TLE2: variants seen among roughly 807,000 people sequenced by gnomAD.
The protein encoded by TLE2 is TLE family member 2, transcriptional corepressor.
In TLE2, 74 loss-of-function variants were observed where a neutral mutation model predicts 97.2. That is an observed-to-expected ratio of 0.76 (90% confidence interval 0.63 to 0.92). The LOEUF is 0.92. TLE2 is among the 40% of genes least tolerant of loss of function. TLE2 has a pLI of 0.00. For missense variants in TLE2, 1,038 were observed against 1,008.7 expected, an observed-to-expected ratio of 1.03 and a Z score of -0.39; for synonymous variants, 499 against 432.1, an observed-to-expected ratio of 1.15 and a Z score of -1.92.
intron 1 of TLE2, among the ~76,000 whole-genome samples, chr19:3,037,060 G>A (rs898981353): frequency 1.3e-5 from 2 of 152,186 alleles, no homozygotes; most frequent in Non-Finnish European, 1.5e-5. Flanking sequence ...CGAGGCAGGC[G>A]GATCACCTGA....
intron 1 of TLE2, among the ~76,000 whole-genome samples, chr19:3,035,691 T>A (rs996159945): frequency 2.0e-5 from 3 of 152,082 alleles, no homozygotes; most frequent in Non-Finnish European, 2.9e-5. Context: ...CGCTCCCACA[T>A]GGGTCAGTGA....
In TLE2 at chr19:3,009,617, G is replaced by A. The variant is rs754241907; in HGVS notation, c.1098C>T (p.Ser366=). 4.3e-5 allele frequency: 70 copies of A among 1,613,188 alleles called. No homozygotes were observed. The highest frequency in any genetic ancestry group is 3.3e-4 in the Middle Eastern group (2 of 6,076). Residue 366 remains serine, a synonymous_variant, in exon 13 of 20, where the codon TCC becomes TCT. Transcript: ENST00000262953. ...GGAGGCTGACGTAGGAGCTGGGCACGGAGAGGTCTCCGTTGAGAGTGCTGT... is the reference window on the plus strand; with the variant it reads ...GGAGGCTGACGTAGGAGCTGGGCACAGAGAGGTCTCCGTTGAGAGTGCTGT... ...GSHSTLNGDL[S]VPSSYVSLHL...
At chr19:3,017,290 G>A (rs1210681216) in intron 8 of TLE2, among the ~76,000 whole-genome samples, 2 of 150,764 alleles carry the variant, frequency 1.3e-5, no homozygotes, top group African/African-American at 2.4e-5. Context: ...GGCACCCGCC[G>A]CCACGTTTGG....
At chr19:3,003,001 G>A (rs893334534) in intron 17 of TLE2, among the ~76,000 whole-genome samples, 2 of 152,032 alleles carry the variant, frequency 1.3e-5, no homozygotes, top group Admixed American at 6.6e-5. Context: ...GTCAGCCTAC[G>A]AGCCCCTTTG....
intron 17 of TLE2, among the ~76,000 whole-genome samples, chr19:3,002,715 T>C (rs2089391200): frequency 6.6e-6 from 1 of 151,826 alleles, no homozygotes; most frequent in East Asian, 1.9e-4. Context: ...TTTTTTTTTT[T>C]TGAGACAGAG....
upstream of TLE2, chr19:3,045,832 A>G (rs914021969): frequency 7.9e-6 from 3 of 379,304 alleles, no homozygotes; most frequent in African/African-American, 6.3e-5. Flanking sequence ...TGTCTCAAAA[A>G]ACAACCAATC....
At chr19:2,999,809 G>A (rs1404766146) in intron 19 of TLE2, among the ~76,000 whole-genome samples, 1 of 150,566 alleles carries the variant, frequency 6.6e-6, no homozygotes, top group Non-Finnish European at 1.5e-5. Flanking sequence ...AAGGTAGGCA[G>A]ATCACCTGAG....
chr19:3,013,584 C>T, intron 11 of TLE2, 85 bp downstream of exon 11: 1 of 1,230,886 alleles, frequency 8.1e-7, no homozygotes, highest in East Asian at 3.0e-5. Context: ...TTTCTCATCA[C>T]TGCCCTCTGC....
chr19:3,042,074 G>A (rs1244860428), intron 1 of TLE2, among the ~76,000 whole-genome samples: 1 of 151,696 alleles, frequency 6.6e-6, no homozygotes, highest in Admixed American at 6.6e-5. Flanking sequence ...GGGGAGTGAG[G>A]GGATTGCGGG....
At position 3,028,768 on chromosome 19, in the gene TLE2, C is replaced by T. The variant is rs200568114; in HGVS notation, c.60G>A (p.Ser20=). ...PLQSGQPFKF[S]ILEICDRIKE... is the part of the protein sequence containing the mutation. Reference sequence around the variant, plus strand: ...TGATGCGGTCGCAGATCTCCAAGATCGAGAACTTGAAGGGCTGGCCGGACT... The same window carrying T: ...TGATGCGGTCGCAGATCTCCAAGATTGAGAACTTGAAGGGCTGGCCGGACT... The change falls in exon 2 of 20, where the codon TCG becomes TCA. Residue 20 remains serine (S), a synonymous_variant. Coordinates refer to ENST00000262953, the MANE Select transcript of TLE2 (RefSeq NM_003260.5). 1.8e-4 allele frequency: 294 copies of T among 1,612,872 alleles called. 1 individual carries two copies. In the African/African-American group the frequency reaches 3.2e-3, roughly 18 times the overall value.
At chr19:3,012,898 TG>T (rs1266307401) in intron 11 of TLE2, among the ~76,000 whole-genome samples, 2 of 152,070 alleles carry the variant, frequency 1.3e-5, no homozygotes, top group Non-Finnish European at 2.9e-5. Context: ...GGGACGACTG[TG>T]GGGTCAGGGA....
At chr19:3,032,455 C>T (rs2090032768), upstream of TLE2, among the ~76,000 whole-genome samples, 3 of 152,178 alleles carry the variant, frequency 2.0e-5, no homozygotes, top group Non-Finnish European at 4.4e-5. The surrounding 1 kb of genome is among the most constrained non-coding windows in gnomAD (Gnocchi z 4.1). Context: ...CCAGGCTGGT[C>T]GCAAACTCCT....
At chr19:3,035,378 C>A (rs902465066) in intron 1 of TLE2, among the ~76,000 whole-genome samples, 1 of 152,126 alleles carries the variant, frequency 6.6e-6, no homozygotes, top group African/African-American at 2.4e-5. Flanking sequence ...ACTTCACGGA[C>A]CCCCTCTTTG....
At chr19:3,042,297 GC>G (rs1399730450) in intron 1 of TLE2, among the ~76,000 whole-genome samples, 6 of 121,946 alleles carry the variant, frequency 4.9e-5, no homozygotes, top group Admixed American at 1.6e-4. Context: ...GGAAGGGGGG[GC>G]GGTGAGGTGC....
intron 8 of TLE2, among the ~76,000 whole-genome samples, chr19:3,017,495 G>A (rs1334515367): frequency 7.3e-6 from 1 of 137,220 alleles, no homozygotes; most frequent in Non-Finnish European, 1.5e-5. Context: ...CTGTCACCCA[G>A]GTTGGAGTGC....
chr19:3,015,844 T>G, intron 8 of TLE2, 84 bp from the exon 9 acceptor site: 1 of 1,024,066 alleles, frequency 9.8e-7, no homozygotes, highest in Non-Finnish European at 1.5e-6. Context: ...AGACTGAGGG[T>G]CCCCCACCAT....
chr19:3,009,630 T>G lies in TLE2; in HGVS notation c.1085A>C (p.Asn362Thr), dbSNP rs768575024. The G allele has an allele frequency of 3.2e-5, 52 of 1,613,264 alleles. No homozygotes were observed. In the South Asian group the frequency reaches 5.7e-4, roughly 18 times the overall value. The change falls in exon 13 of 20, where the codon AAC becomes ACC. Residue 362 changes from asparagine (N) to threonine (T), a missense_variant. Asn to Thr is a moderately conservative substitution (Grantham distance 65). Transcript: ENST00000262953. ...GGAGCTGGGCACGGAGAGGTCTCCG[T>G]TGAGAGTGCTGTGGGAGCCCAGGCT... is the stretch of plus-strand genomic sequence containing the variant. ...SFSLGSHSTL[N>T]GDLSVPSSYV...
At chr19:3,027,932 T>C (rs368237646) in intron 3 of TLE2, 59 bp from the exon 4 acceptor site, 124 of 1,523,182 alleles carry the variant, frequency 8.1e-5, no homozygotes, top group East Asian at 4.7e-5. Context: ...CTCCTCCAGA[T>C]AGGTGATGCC....
chr19:3,019,458 C>T lies in TLE2; in HGVS notation c.375G>A (p.Gln125=). ...VGELNSLIGQ[Q]LQPLSHHAPP... is the part of the protein sequence containing the mutation. ...GTGCGTGGTGGGACAGCGGCTGGAG[C>T]TGCTGCTGCTAGAAAGGAGGCAGGA... Residue 125 remains glutamine, a synonymous_variant, in exon 7 of 20, where the codon CAG becomes CAA. Coordinates refer to ENST00000262953, the MANE Select transcript of TLE2 (RefSeq NM_003260.5). The surrounding 1 kb of genome is among the most constrained non-coding windows in gnomAD (Gnocchi z 5.1). 6.6e-7 allele frequency: 1 copy of T among 1,513,952 alleles called. No homozygotes were observed. The highest frequency in any genetic ancestry group is 8.8e-7 in the Non-Finnish European group (1 of 1,135,650). The allele number at this position is 1,513,952 out of a possible 1,614,324, so 93.8% of individuals were successfully genotyped here.
Sources: allele counts gnomAD v4.1 joint callset (sites outside exome capture counted in the v4.1 genomes callset), GRCh38; gene constraint gnomAD v4.1.1; non-coding constraint Gnocchi (gnomAD v3.1); transcripts MANE v1.5; gene names NCBI Gene and HGNC (gene_info 2026-07-23, HGNC 2026-07-21).